The following SLC6A12 variants were observed in gnomAD, a reference collection of about 807,000 sequenced individuals.
SLC6A12 encodes the protein sodium- and chloride-dependent betaine transporter.
SLC6A12 carries 50 observed loss-of-function variants against 73.3 expected under a neutral mutation model. The observed-to-expected ratio is 0.68, with a 90% CI of 0.54 to 0.86. The LOEUF (loss-of-function observed/expected upper bound fraction) is 0.86. Among genes scored for constraint, SLC6A12 ranks in the 40% least tolerant of loss-of-function variants. The probability of loss-of-function intolerance (pLI) is 0.00; values close to 1 mark genes in which losing one functional copy is unlikely to be tolerated. For synonymous variants in SLC6A12, 304 were observed against 309.2 expected, an observed-to-expected ratio of 0.98 and a Z score of 0.18; for missense variants, 648 against 772.8, an observed-to-expected ratio of 0.84 and a Z score of 1.92.
Position 204,709 on chromosome 12 carries a change from G to A in SLC6A12, c.215-11C>T, listed in dbSNP as rs567788494. ...GGATGAAGAAGGCTCCTGCAGAAGAGAGAGAGGCAGGGCTGAGCCACACCC... is the reference window on the plus strand; with the variant it reads ...GGATGAAGAAGGCTCCTGCAGAAGAAAGAGAGGCAGGGCTGAGCCACACCC... On this transcript the variant is annotated splice_polypyrimidine_tract_variant and intron_variant, in intron 3 of 15. Transcript: ENST00000684302. The A allele has an allele frequency of 8.7e-6, 14 of 1,613,828 alleles. No homozygotes were observed. The highest frequency in any genetic ancestry group is 6.7e-5 in the East Asian group (3 of 44,872).
downstream of SLC6A12, among the ~76,000 whole-genome samples, chr12:187,635 A>AC (rs1176153858): frequency 5.8e-5 from 4 of 69,138 alleles, no homozygotes; most frequent in African/African-American, 1.0e-4. Flanking sequence ...AAAAAAACAA[A>AC]CCACACACAC....
Position 197,373 on chromosome 12 carries a change from C to G in SLC6A12, c.1075+4G>C. The G allele has an allele frequency of 1.9e-6, 3 of 1,612,152 alleles. No homozygotes were observed. The highest frequency in any genetic ancestry group is 2.5e-6 in the Non-Finnish European group (3 of 1,179,026). ...CAGGCCCCAGACAGCAAAGTGGCAC[C>G]TACCTGACTCGGCCACTTCAGAAAT... On this transcript the variant is annotated splice_donor_region_variant and intron_variant, in intron 10 of 15. Coordinates refer to ENST00000684302, the MANE Select transcript of SLC6A12 (RefSeq NM_001122848.3).
At chr12:204,111 T>A (rs1328124835) in intron 4 of SLC6A12, 1 of 180,344 alleles carries the variant, frequency 5.5e-6, no homozygotes, top group African/African-American at 2.4e-5. Flanking sequence ...TGAGCGTGCT[T>A]GGACCTACGC....
downstream of SLC6A12, among the ~76,000 whole-genome samples, chr12:187,018 A>C (rs80244282): frequency 6.6e-6 from 1 of 152,222 alleles, no homozygotes; most frequent in Non-Finnish European, 1.5e-5. Context: ...TAGGGCACAG[A>C]TTATGAATTC....
intron 3 of SLC6A12, 79 bp from the exon 4 acceptor site, chr12:204,777 A>C (rs1940541151): frequency 2.6e-6 from 4 of 1,514,354 alleles, no homozygotes; most frequent in Non-Finnish European, 2.7e-6. Flanking sequence ...CTCCTCCCCC[A>C]ACAAACCCGC....
Position 192,419 on chromosome 12 carries a change from C to G in SLC6A12, c.1701+59G>C, listed in dbSNP as rs1591777378. 3 of 1,515,140 alleles carry G rather than the reference C, an allele frequency of 2.0e-6. No homozygotes were observed. In the African/African-American group the frequency reaches 4.1e-5, roughly 21 times the overall value. 93.9% of individuals were successfully genotyped at this position (1,515,140 alleles called of 1,614,324 possible). The stretch of plus-strand genomic sequence containing the variant: ...CTGGCCCCAGTTGTGTGTCCTGCCC[C>G]AAGTCCAGCCTCTCTCAGTGCCCTC... On this transcript the variant is annotated intron_variant, in intron 15 of 15. Transcript: ENST00000684302.
At chr12:187,584 A>G (rs1444787090), downstream of SLC6A12, among the ~76,000 whole-genome samples, 4 of 102,930 alleles carry the variant, frequency 3.9e-5, no homozygotes, top group African/African-American at 1.5e-4. Context: ...TTTACTGCAA[A>G]AGAGCAAAAA....
At chr12:185,355 T>C (rs1446711573), downstream of SLC6A12, among the ~76,000 whole-genome samples, 2 of 152,232 alleles carry the variant, frequency 1.3e-5, no homozygotes, top group African/African-American at 4.8e-5. Flanking sequence ...GCTTGCTCCC[T>C]GTGCCCGTGT....
At chr12:211,001 T>A (rs1012811354) in intron 2 of SLC6A12, 1 of 150,550 alleles carries the variant, frequency 6.6e-6, no homozygotes, top group African/African-American at 2.4e-5. Context: ...GTATCTCCAA[T>A]CTATGTTTGC....
In SLC6A12 at chr12:197,404, C is replaced by G; in HGVS notation, c.1048G>C (p.Val350Leu). Residue 350 changes from valine (V) to leucine (L), a missense_variant, in exon 10 of 16, where the codon GTG (valine) becomes CTG (leucine). Val to Leu is a conservative substitution (Grantham distance 32, BLOSUM62 1). Transcript: ENST00000684302. ...ILGFMSQEQG[V>L]PISEVAESGP... ...GACTCGGCCACTTCAGAAATGGGCA[C>G]CCCTTGCTCTTGGGACATGAAGCCC... The G allele has an allele frequency of 6.2e-7, 1 of 1,613,764 alleles. No homozygotes were observed.
downstream of SLC6A12, among the ~76,000 whole-genome samples, chr12:187,571 A>T (rs1345140835): frequency 1.5e-5 from 2 of 134,812 alleles, no homozygotes; most frequent in Non-Finnish European, 3.2e-5. Context: ...AGCAGCAGCA[A>T]GATTTACTGC....
chr12:208,369 A>G (rs1025209323), intron 3 of SLC6A12, among the ~76,000 whole-genome samples: 1 of 152,228 alleles, frequency 6.6e-6, no homozygotes, highest in African/African-American at 2.4e-5. Context: ...GATCGCAACT[A>G]TAAGGTTTAA....
downstream of SLC6A12, among the ~76,000 whole-genome samples, chr12:185,605 A>G (rs182335824): frequency 3.9e-5 from 6 of 152,346 alleles, no homozygotes; most frequent in Admixed American, 1.3e-4. Flanking sequence ...CTGTGGATGG[A>G]CACGAGCCTG....
Position 198,967 on chromosome 12 carries a change from T to A in SLC6A12, c.712-36A>T. 2 of 1,611,760 alleles carry A rather than the reference T, an allele frequency of 1.2e-6. No individual in the cohort carries two copies. The highest frequency in any genetic ancestry group is 1.7e-6 in the Non-Finnish European group (2 of 1,178,488). Reference sequence around the variant, plus strand: ...GGGGACAGGCCAAGGTCACTCCTGGTGGGGACGCAGTGGCCCTCCAGCCAC... The same window carrying A: ...GGGGACAGGCCAAGGTCACTCCTGGAGGGGACGCAGTGGCCCTCCAGCCAC... On this transcript the variant is annotated intron_variant, in intron 7 of 15. Coordinates refer to ENST00000684302, the MANE Select transcript of SLC6A12 (RefSeq NM_001122848.3). This position sits in a 1 kb window ranked among gnomAD's most constrained non-coding sequence, Gnocchi z 4.0.
At position 196,673 on chromosome 12, in the gene SLC6A12, G is replaced by A. The variant is rs1939883127; in HGVS notation, c.1188+97C>T. On this transcript the variant is annotated intron_variant, in intron 11 of 15. Coordinates refer to ENST00000684302, the MANE Select transcript of SLC6A12 (RefSeq NM_001122848.3). Reference sequence around the variant, plus strand: ...CAGCAGAGGGGGCCTCAGGTGTGTGGTCAGGGGAGTGGGAGTGAGGGGAAA... The same window carrying A: ...CAGCAGAGGGGGCCTCAGGTGTGTGATCAGGGGAGTGGGAGTGAGGGGAAA... The A allele has an allele frequency of 2.5e-5, 22 of 868,158 alleles. No individual in the cohort carries two copies. In the Admixed American group the frequency reaches 3.8e-4, roughly 15 times the overall value. The allele number at this position is 868,158 out of a possible 1,614,324, so 53.8% of individuals were successfully genotyped here. A position where few individuals can be genotyped will look rare whatever the true frequency, so the allele number is the denominator to read the frequency against.
Position 198,848 on chromosome 12 carries a change from C to T in SLC6A12, c.795G>A (p.Gln265=). 6 of 1,614,176 alleles carry T rather than the reference C, an allele frequency of 3.7e-6. No individual in the cohort carries two copies. The South Asian group carries it at 6.6e-5, about 18-fold the overall frequency. The change falls in exon 8 of 16, where the codon CAG becomes CAA. Residue 265 remains glutamine (Q), a synonymous_variant. Transcript: ENST00000684302. This position sits in a 1 kb window ranked among gnomAD's most constrained non-coding sequence, Gnocchi z 4.0. ...CTGGCTTCAAGTAGTAGATGATGCC[C>T]TGGTAGGCTCCGGGAAGGGTGACAC... The part of the protein sequence containing the change: ...IRGVTLPGAY[Q]GIIYYLKPDL...
chr12:184,767 A>AAAT, the SLC6A12 span, among the ~76,000 whole-genome samples: 1 of 148,118 alleles, frequency 6.8e-6, no homozygotes, highest in African/African-American at 2.5e-5. Context: ...AATAAATAAA[A>AAAT]AAATAAAAAT....
At chr12:196,043 G>A (rs1324498651) in intron 12 of SLC6A12, 81 bp downstream of exon 12, 1 of 1,351,516 alleles carries the variant, frequency 7.4e-7, no homozygotes, top group African/African-American at 1.5e-5. Flanking sequence ...TAAGAAAAGT[G>A]AGGCTCTGAG....
Position 201,997 on chromosome 12 carries a change from G to T in SLC6A12, c.491-148C>A, listed in dbSNP as rs561754478. ...GCCCCCACTCTCCAGGGCATCAGGA[G>T]GCTCATAGGGCCAGCTCTTCCTCCC... On this transcript the variant is annotated intron_variant, in intron 5 of 15. Transcript: ENST00000684302. 6.3e-6 allele frequency: 4 copies of T among 634,508 alleles called. No homozygotes were observed. The East Asian group carries it at 1.1e-4, about 17-fold the overall frequency. 39.3% of individuals were successfully genotyped at this position (634,508 alleles called of 1,614,324 possible).
Sources: gnomAD v4.1 joint callset for allele counts (sites outside exome capture counted in the v4.1 genomes callset) on GRCh38, gnomAD v4.1.1 for gene constraint, Gnocchi (gnomAD v3.1) non-coding constraint, MANE v1.5 for transcripts, NCBI Gene and HGNC (gene_info 2026-07-23, HGNC 2026-07-21) for gene names.